Variants in PRKACB observed in about 807,000 individuals in gnomAD.
PRKACB encodes protein kinase cAMP-activated catalytic subunit beta, also known as cAMP-dependent protein kinase catalytic subunit beta.
A neutral mutation model predicts 51.4 loss-of-function variants in PRKACB; 16 were observed. That is an observed-to-expected ratio of 0.31 (90% CI 0.21 to 0.47). The LOEUF is 0.47. Among genes scored for constraint, PRKACB ranks in the 20% least tolerant of loss-of-function variants. PRKACB has a pLI of 1.00. For missense variants in PRKACB, 309 were observed against 464.5 expected (o/e 0.67, Z 3.08); for synonymous variants, 147 against 154.4 (o/e 0.95, Z 0.35).
At chr1:84,233,273 C>T (rs1214854578) in intron 9 of PRKACB, among the ~76,000 whole-genome samples, 8 of 151,956 alleles carry the variant, frequency 5.3e-5, no homozygotes, top group East Asian at 1.9e-4. Flanking sequence ...GAGTTTCTGC[C>T]GAGAGATCCG....
intron 1 of PRKACB, among the ~76,000 whole-genome samples, chr1:84,178,620 GT>G (rs1480248346): frequency 6.6e-6 from 1 of 151,916 alleles, no homozygotes; most frequent in Non-Finnish European, 1.5e-5. Context: ...GTTTTGTTCT[GT>G]TTTTAAGTCT....
intron 8 of PRKACB, 71 bp from the exon 9 acceptor site, chr1:84,214,082 C>CT: frequency 7.1e-7 from 1 of 1,401,364 alleles, no homozygotes; most frequent in Non-Finnish European, 9.4e-7. Flanking sequence ...GAAAAAAAAA[C>CT]TTTATGAAAT....
At chr1:84,195,704 G>A (rs1457084729) in intron 5 of PRKACB, among the ~76,000 whole-genome samples, 6 of 152,168 alleles carry the variant, frequency 3.9e-5, no homozygotes, top group Middle Eastern at 3.4e-3. Flanking sequence ...TTTGAGGTCA[G>A]GTATTCGAGA....
chr1:84,197,867 C>T (rs1228583119), intron 7 of PRKACB, 43 bp downstream of exon 7: 3 of 1,363,144 alleles, frequency 2.2e-6, no homozygotes, highest in Non-Finnish European at 3.1e-6. Context: ...AAATATGAGA[C>T]ATGCATCCCT....
chr1:84,124,552 A>G (rs962030935), intron 1 of PRKACB, among the ~76,000 whole-genome samples: 1 of 152,148 alleles, frequency 6.6e-6, no homozygotes, highest in Admixed American at 6.5e-5. Context: ...GACATTTGTA[A>G]TGTTGCTGTC....
chr1:84,101,955 T>C (rs556139756), intron 1 of PRKACB, among the ~76,000 whole-genome samples: 1 of 152,286 alleles, frequency 6.6e-6, no homozygotes, highest in South Asian at 2.1e-4. Flanking sequence ...GATAATTATT[T>C]ATTACTATCT....
chr1:84,213,418 G>A (rs1205605599), intron 8 of PRKACB, among the ~76,000 whole-genome samples: 2 of 152,138 alleles, frequency 1.3e-5, no homozygotes, highest in East Asian at 1.9e-4. Context: ...ATGAAAAATA[G>A]ACTTAGGTCT....
chr1:84,140,587 G>C (rs999916130), upstream of PRKACB, among the ~76,000 whole-genome samples: 10 of 151,950 alleles, frequency 6.6e-5, no homozygotes, highest in African/African-American at 2.4e-4. Context: ...AAAGTACATA[G>C]TTCTGCTTGG....
intron 1 of PRKACB, among the ~76,000 whole-genome samples, chr1:84,083,972 T>C (rs929378091): frequency 3.3e-5 from 5 of 152,180 alleles, no homozygotes; most frequent in Non-Finnish European, 5.9e-5. Flanking sequence ...ACAGAGTACC[T>C]GCTCAGGGTG....
Position 84,196,654 on chromosome 1 carries a change from T to A in PRKACB, c.599T>A (p.Leu200Gln). ...CGGTTCTATGCAGCTCAGATAGTGC[T>A]AACATTCGAGTACCTCCATTCACTA... The part of the protein sequence containing the change: ...HARFYAAQIV[L>Q]TFEYLHSLDL... The change falls in exon 6 of 10, where the codon CTA (leucine) becomes CAA (glutamine). Residue 200 changes from leucine to glutamine, a missense_variant. Coordinates refer to ENST00000370685, the MANE Select transcript of PRKACB (RefSeq NM_182948.4). 1.2e-6 allele frequency: 2 copies of A among 1,613,670 alleles called. No individual in the cohort carries two copies. Among genetic ancestry groups the A allele is most frequent in the Non-Finnish European group, 1.7e-6 (2 of 1,179,692 alleles).
chr1:84,203,203 T>C (rs1416009160), intron 8 of PRKACB, among the ~76,000 whole-genome samples: 1 of 152,002 alleles, frequency 6.6e-6, no homozygotes, highest in Non-Finnish European at 1.5e-5. Context: ...TTATGTCCAA[T>C]ACTATAACAT....
chr1:84,140,657 T>A (rs1653313761), upstream of PRKACB, among the ~76,000 whole-genome samples: 1 of 152,172 alleles, frequency 6.6e-6, no homozygotes, highest in Admixed American at 6.5e-5. Flanking sequence ...GTGACCGTCT[T>A]AATTAAAACC....
At chr1:84,175,672 G>A in intron 1 of PRKACB, 1 of 706,730 alleles carries the variant, frequency 1.4e-6, no homozygotes, top group Admixed American at 3.6e-5. Flanking sequence ...AAAAATTTGA[G>A]GGGGGATAAG....
At chr1:84,082,029 T>TA (rs1345986625) in intron 1 of PRKACB, among the ~76,000 whole-genome samples, 1 of 152,236 alleles carries the variant, frequency 6.6e-6, no homozygotes, top group Non-Finnish European at 1.5e-5. Flanking sequence ...TGAGGACTAA[T>TA]ACGTGCCAGG....
At chr1:84,187,987 G>C (rs1462350168) in intron 5 of PRKACB, among the ~76,000 whole-genome samples, 1 of 151,992 alleles carries the variant, frequency 6.6e-6, no homozygotes. Context: ...AATATAATCA[G>C]TGTTTTCATA....
intron 1 of PRKACB, among the ~76,000 whole-genome samples, chr1:84,158,804 A>G (rs929052904): frequency 6.6e-6 from 1 of 152,106 alleles, no homozygotes; most frequent in Non-Finnish European, 1.5e-5. Flanking sequence ...TTTTTGAGTT[A>G]ATTTTTATAT....
chr1:84,200,583 C>T (rs1290037079), intron 7 of PRKACB, among the ~76,000 whole-genome samples: 1 of 151,958 alleles, frequency 6.6e-6, no homozygotes, highest in Admixed American at 6.6e-5. Flanking sequence ...GGTGGCATTG[C>T]CTAGGTTGTC....
chr1:84,196,101 G>A (rs966306409), intron 5 of PRKACB, among the ~76,000 whole-genome samples: 3 of 151,942 alleles, frequency 2.0e-5, no homozygotes, highest in Non-Finnish European at 4.4e-5. Context: ...TTTCCATAAC[G>A]AGCGTATGTC....
In PRKACB at chr1:84,199,366, A is replaced by G. The variant is rs115401604; in HGVS notation, c.783+1542A>G. Among the ~76,000 whole-genome samples the G allele has an allele frequency of 8.8e-3, 1,332 of 152,038 alleles. 22 individuals are homozygous for G. The highest frequency in any genetic ancestry group is 0.031 in the African/African-American group (1,272 of 41,472). On this transcript the variant is annotated intron_variant, in intron 7 of 9. Transcript: ENST00000370685. ...TCCTTCTTTGTCTTCATAAATTCTC[A>G]TCATTTAGCTCCCACTTACAAGTGA...
Sources: gnomAD v4.1 joint callset for allele counts (sites outside exome capture counted in the v4.1 genomes callset) on GRCh38, gnomAD v4.1.1 for gene constraint, MANE v1.5 for transcripts, NCBI Gene and HGNC (gene_info 2026-07-23, HGNC 2026-07-21) for gene names.